AGPS: variants seen among roughly 807,000 people sequenced by gnomAD.
AGPS encodes alkyldihydroxyacetonephosphate synthase, peroxisomal.
Under a neutral mutation model 90.7 loss-of-function variants are expected in AGPS, and 26 were observed. The observed-to-expected ratio is 0.29, with a 90% CI of 0.21 to 0.40. AGPS has a LOEUF of 0.40. Among genes scored for constraint, AGPS ranks in the 10% least tolerant of loss-of-function variants. AGPS has a pLI of 1.00. For synonymous variants in AGPS, 294 were observed against 285.3 expected, an observed-to-expected ratio of 1.03 and a Z score of -0.31; for missense variants, 540 against 816.1, an observed-to-expected ratio of 0.66 and a Z score of 4.12.
At chr2:177,434,078 T>A (rs1179539252) in intron 2 of AGPS, among the ~76,000 whole-genome samples, 1 of 152,190 alleles carries the variant, frequency 6.6e-6, no homozygotes. Flanking sequence ...ACTTATGAAC[T>A]TATGTAGTAT....
rs536093894 is a variant in AGPS at position 177,514,825 on chromosome 2, A to G, written c.1697+917A>G. On this transcript the variant is annotated intron_variant, in intron 17 of 19. Coordinates refer to ENST00000264167, the MANE Select transcript of AGPS (RefSeq NM_003659.4). ...TTCTAACATGAGATCTGAGGAAAGC[A>G]TCTTTCTTACACCTTAAATGTTCAT... is the stretch of plus-strand genomic sequence containing the variant. Among the ~76,000 whole-genome samples, 6 of 152,218 alleles carry G rather than the reference A, an allele frequency of 3.9e-5. No homozygotes were observed. In the South Asian group the frequency reaches 1.2e-3, roughly 32 times the overall value.
At chr2:177,517,108 C>G (rs987599773) in intron 17 of AGPS, among the ~76,000 whole-genome samples, 2 of 151,990 alleles carry the variant, frequency 1.3e-5, no homozygotes, top group Admixed American at 6.6e-5. Flanking sequence ...TCTGCATTTG[C>G]TCCTTCTGTT....
intron 1 of AGPS, among the ~76,000 whole-genome samples, chr2:177,401,957 C>T (rs1685345515): frequency 6.6e-6 from 1 of 152,180 alleles, no homozygotes; most frequent in African/African-American, 2.4e-5. Flanking sequence ...TCATTTTGTG[C>T]ATTAAACAAG....
intron 19 of AGPS, among the ~76,000 whole-genome samples, chr2:177,525,458 T>A (rs999506060): frequency 6.6e-6 from 1 of 152,168 alleles, no homozygotes; most frequent in Non-Finnish European, 1.5e-5. Flanking sequence ...ACTTTCCCAG[T>A]GTAGCCAACA....
At position 177,537,920 on chromosome 2, in the gene AGPS, G is replaced by A. The variant is rs1469114367; in HGVS notation, c.1856-154G>A. On this transcript the variant is annotated intron_variant, in intron 19 of 19. Transcript: ENST00000264167. ...TACATTGGGCTTAATGAGCTTGATA[G>A]TCTGGTGGGCTCAATAAATCAAATA... Among the ~76,000 whole-genome samples, 9 of 152,108 alleles carry A rather than the reference G, an allele frequency of 5.9e-5. 1 individual carries two copies. Among genetic ancestry groups the A allele is most frequent in the Middle Eastern group, 6.3e-3 (2 of 316 alleles).
intron 10 of AGPS, among the ~76,000 whole-genome samples, chr2:177,477,187 C>T (rs905194983): frequency 2.0e-5 from 3 of 152,032 alleles, no homozygotes; most frequent in Non-Finnish European, 4.4e-5. Context: ...TTTTCCCCCC[C>T]TCTGTGGGTC....
chr2:177,504,036 C>T (rs920058782), intron 14 of AGPS, among the ~76,000 whole-genome samples: 1 of 152,126 alleles, frequency 6.6e-6, no homozygotes, highest in Admixed American at 6.5e-5. Context: ...ATGTTTATAC[C>T]TGTTACTTCT....
In AGPS at chr2:177,540,131, G is replaced by A. The variant is rs1370269402; in HGVS notation, c.*1936G>A. ...TGAGTAATTTTTAAAAAATAAAACA[G>A]GTTAATAAGAAGATCCATTCCTTTG... is the stretch of plus-strand genomic sequence containing the variant. On this transcript the variant is annotated 3_prime_UTR_variant, in exon 20 of 20. Coordinates refer to ENST00000264167, the MANE Select transcript of AGPS (RefSeq NM_003659.4). 6.7e-6 allele frequency: 1 copy of A among 149,328 alleles called. No homozygotes were observed. The highest frequency in any genetic ancestry group is 1.5e-5 in the Non-Finnish European group (1 of 67,388). 9.3% of individuals were successfully genotyped at this position (149,328 alleles called of 1,614,324 possible). A position where few individuals can be genotyped will look rare whatever the true frequency, so the allele number is the denominator to read the frequency against.
At chr2:177,482,392 A>G (rs1687971932) in intron 11 of AGPS, among the ~76,000 whole-genome samples, 2 of 151,982 alleles carry the variant, frequency 1.3e-5, no homozygotes, top group Admixed American at 6.6e-5. Context: ...TCTTTGAGTA[A>G]GTATATTGCT....
chr2:177,445,415 TG>T, intron 7 of AGPS, 130 bp from the exon 8 acceptor site: 1 of 738,810 alleles, frequency 1.4e-6, no homozygotes. Flanking sequence ...GTTTCCAGTG[TG>T]GGTGGTTGAG....
intron 2 of AGPS, among the ~76,000 whole-genome samples, chr2:177,427,141 G>C (rs561132684): frequency 6.6e-6 from 1 of 152,206 alleles, no homozygotes; most frequent in African/African-American, 2.4e-5. Context: ...TCTAGTTCAT[G>C]TGCATAGAGA....
rs36052691 is a variant in AGPS, at chr2:177,521,275, G to A, written c.1704G>A (p.Thr568=). Reference sequence around the variant, plus strand: ...GATTTTGTTTGTTTTTTAGGGTGACGCAGACTTACGATGCAGGTGCTTGTA... The same window carrying A: ...GATTTTGTTTGTTTTTTAGGGTGACACAGACTTACGATGCAGGTGCTTGTA... ...QFAPFSTCRV[T]QTYDAGACIY... is the part of the protein sequence containing the mutation. Residue 568 remains threonine (T), a synonymous_variant, in exon 18 of 20, where the codon ACG becomes ACA. Transcript: ENST00000264167. 1.2e-3 allele frequency: 1,992 copies of A among 1,613,836 alleles called. 16 individuals carry two copies. The African/African-American group carries it at 0.022, about 18-fold the overall frequency.
At chr2:177,441,073 T>G (rs1052574592) in intron 6 of AGPS, 37 bp downstream of exon 6, 1 of 1,479,364 alleles carries the variant, frequency 6.8e-7, no homozygotes, top group African/African-American at 1.4e-5. Flanking sequence ...ATATGTAAAT[T>G]TGTTCTATTT....
chr2:177,401,547 A>AT lies in AGPS; in HGVS notation c.260+8513dup, dbSNP rs765100790. 6.8e-3 allele frequency among the ~76,000 whole-genome samples: 959 copies of AT among 140,494 alleles called. 3 individuals are homozygous for AT. Among genetic ancestry groups the AT allele is most frequent in the Admixed American group, 0.015 (211 of 14,038 alleles). 92.2% of individuals were successfully genotyped at this position (140,494 alleles called of 152,430 possible). ...TTTGAATCTAGATTTTTTAATTTTA[A>AT]TTTTTTTTTTTTTTTGCGACAGAGT... is the stretch of plus-strand genomic sequence containing the variant. On this transcript the variant is annotated intron_variant, in intron 1 of 19. Coordinates refer to ENST00000264167, the MANE Select transcript of AGPS (RefSeq NM_003659.4).
intron 19 of AGPS, among the ~76,000 whole-genome samples, chr2:177,531,993 G>T (rs911965358): frequency 4.6e-5 from 7 of 152,078 alleles, no homozygotes; most frequent in African/African-American, 1.4e-4. Context: ...AATGAATAAT[G>T]AACTTAAAAG....
intron 8 of AGPS, among the ~76,000 whole-genome samples, chr2:177,446,043 A>C (rs1268604938): frequency 6.6e-6 from 1 of 152,186 alleles, no homozygotes; most frequent in Non-Finnish European, 1.5e-5. Flanking sequence ...GTGGCAAAGG[A>C]CACAGCATTT....
intron 10 of AGPS, among the ~76,000 whole-genome samples, chr2:177,481,375 TTTTTG>T (rs757020676): frequency 1.2e-4 from 19 of 152,050 alleles, no homozygotes; most frequent in South Asian, 8.3e-4. Flanking sequence ...CTTTTTTTAC[TTTTTG>T]TTTTGTTTTG....
chr2:177,523,413 T>G (rs1248500917), intron 18 of AGPS, among the ~76,000 whole-genome samples: 1 of 152,198 alleles, frequency 6.6e-6, no homozygotes, highest in Non-Finnish European at 1.5e-5. Flanking sequence ...ATGAGAGATG[T>G]TCGTTACTAA....
intron 17 of AGPS, among the ~76,000 whole-genome samples, chr2:177,519,328 G>A (rs944943412): frequency 1.3e-5 from 2 of 151,930 alleles, no homozygotes; most frequent in African/African-American, 2.4e-5. Flanking sequence ...CTCCATTTAG[G>A]TATGCCTTTC....
Sources: allele counts gnomAD v4.1 joint callset (sites outside exome capture counted in the v4.1 genomes callset), GRCh38; gene constraint gnomAD v4.1.1; transcripts MANE v1.5; gene names NCBI Gene and HGNC (gene_info 2026-07-23, HGNC 2026-07-21).